UTRN: variants seen among roughly 807,000 people sequenced by gnomAD.
The protein encoded by UTRN is dystrophin-related protein 1.
Under a neutral mutation model 463.9 loss-of-function variants are expected in UTRN, and 283 were observed. The observed-to-expected ratio is 0.61, with a 90% CI of 0.55 to 0.67. The LOEUF (loss-of-function observed/expected upper bound fraction) is 0.67. Ranked by LOEUF, UTRN falls within the 30% of genes least tolerant of loss-of-function variation. The pLI, the probability that UTRN is intolerant of heterozygous loss-of-function variation, is 0.00. For synonymous variants in UTRN, 1,442 were observed against 1,431.5 expected (o/e 1.01, Z -0.17); for missense variants, 3,922 against 4,084.3 (o/e 0.96, Z 1.08).
chr6:144,704,195 T>C (rs1784854335), intron 53 of UTRN, among the ~76,000 whole-genome samples: 1 of 152,238 alleles, frequency 6.6e-6, no homozygotes, highest in Non-Finnish European at 1.5e-5. Flanking sequence ...TTTTTGTTTT[T>C]ACTTGAGTCT....
chr6:144,805,182 A>C (rs1431077709), intron 65 of UTRN, among the ~76,000 whole-genome samples: 1 of 152,170 alleles, frequency 6.6e-6, no homozygotes, highest in East Asian at 1.9e-4. Context: ...CAAGGAGAGA[A>C]TCCTTGTCAG....
At chr6:144,714,149 G>T (rs995681480) in intron 53 of UTRN, among the ~76,000 whole-genome samples, 5 of 151,984 alleles carry the variant, frequency 3.3e-5, no homozygotes, top group Admixed American at 6.6e-5. Context: ...AATTTTGTCT[G>T]CATACCAACG....
chr6:144,450,184 A>G (rs1788121603), intron 17 of UTRN, among the ~76,000 whole-genome samples: 2 of 152,248 alleles, frequency 1.3e-5, no homozygotes, highest in East Asian at 3.9e-4. Context: ...CTCCTCAGTG[A>G]ACACTAAAGG....
intron 51 of UTRN, among the ~76,000 whole-genome samples, chr6:144,580,203 C>CTGGTGGCATGG (rs970707437): frequency 6.2e-5 from 9 of 145,300 alleles, no homozygotes; most frequent in African/African-American, 2.4e-4. Context: ...CAGAAAAGTT[C>CTGGTGGCATGG]TGGTGGCATG....
intron 63 of UTRN, among the ~76,000 whole-genome samples, chr6:144,797,337 C>T (rs547613260): frequency 3.9e-5 from 6 of 152,052 alleles, no homozygotes; most frequent in Admixed American, 1.3e-4. Context: ...TACAGGTGCA[C>T]GCCACAAGGC....
chr6:144,826,083 C>T (rs1286208151), intron 66 of UTRN, among the ~76,000 whole-genome samples: 1 of 150,806 alleles, frequency 6.6e-6, no homozygotes, highest in Non-Finnish European at 1.5e-5. Flanking sequence ...ACCAACATGG[C>T]ACATGTATAC....
intron 64 of UTRN, among the ~76,000 whole-genome samples, chr6:144,799,957 A>G (rs1777567646): frequency 6.6e-6 from 1 of 152,230 alleles, no homozygotes; most frequent in African/African-American, 2.4e-5. Flanking sequence ...GAAAAGAGCA[A>G]TTGATTTAAA....
intron 34 of UTRN, among the ~76,000 whole-genome samples, chr6:144,508,129 C>T (rs2128588861): frequency 6.6e-6 from 1 of 152,288 alleles, no homozygotes; most frequent in East Asian, 1.9e-4. Flanking sequence ...AGACTGCTGT[C>T]CTGGCAGCGA....
At chr6:144,490,267 A>G in intron 31 of UTRN, 68 bp downstream of exon 31, 1 of 1,552,982 alleles carries the variant, frequency 6.4e-7, no homozygotes, top group Non-Finnish European at 8.7e-7. Context: ...AAAGAGAAAG[A>G]ATTGATTACT....
intron 3 of UTRN, among the ~76,000 whole-genome samples, chr6:144,408,284 T>C (rs549556392): frequency 6.6e-6 from 1 of 152,380 alleles, no homozygotes; most frequent in East Asian, 1.9e-4. Flanking sequence ...TTGCCCCTTC[T>C]AAATTTCAGA....
At chr6:144,626,159 A>T (rs1301836602) in intron 51 of UTRN, among the ~76,000 whole-genome samples, 1 of 152,230 alleles carries the variant, frequency 6.6e-6, no homozygotes, top group Non-Finnish European at 1.5e-5. Flanking sequence ...TAAAGAATTC[A>T]TGCAAATCTT....
At chr6:144,434,552 A>G (rs1024287345) in intron 9 of UTRN, among the ~76,000 whole-genome samples, 21 of 152,216 alleles carry the variant, frequency 1.4e-4, no homozygotes, top group African/African-American at 4.3e-4. Context: ...GAATATGGAC[A>G]TGGTTTAATA....
chr6:144,362,431 G>A (rs1455791953), intron 2 of UTRN, among the ~76,000 whole-genome samples: 2 of 152,172 alleles, frequency 1.3e-5, no homozygotes, highest in Admixed American at 6.5e-5. Context: ...AATTTTGAAT[G>A]TATTTTCTAA....
intron 51 of UTRN, among the ~76,000 whole-genome samples, chr6:144,605,325 A>G (rs574553847): frequency 1.3e-5 from 2 of 152,254 alleles, no homozygotes; most frequent in Admixed American, 1.3e-4. Context: ...ACACAGAATC[A>G]CAGCCCTGAT....
At chr6:144,832,497 G>A (rs550158678) in intron 69 of UTRN, among the ~76,000 whole-genome samples, 1 of 152,242 alleles carries the variant, frequency 6.6e-6, no homozygotes, top group South Asian at 2.1e-4. Context: ...TGGATAGTCA[G>A]TCTCCAAATC....
At chr6:144,407,586 A>G (rs551974531) in intron 3 of UTRN, among the ~76,000 whole-genome samples, 2 of 152,348 alleles carry the variant, frequency 1.3e-5, no homozygotes, top group Admixed American at 1.3e-4. Flanking sequence ...TTCTTCACAT[A>G]GGGTCTAACT....
At position 144,374,598 on chromosome 6, in the gene UTRN, C is replaced by T. The variant is rs184820954; in HGVS notation, c.80-28525C>T. On this transcript the variant is annotated intron_variant, in intron 2 of 74. Coordinates refer to ENST00000367545, the MANE Select transcript of UTRN (RefSeq NM_007124.3). ...TCCCGGGCTCAAGTGATTCTCTTGC[C>T]TCAGCTCCCAGAGTAGCTGGGACTG... Among the ~76,000 whole-genome samples, 5 of 151,770 alleles carry T rather than the reference C, an allele frequency of 3.3e-5. No homozygotes were observed. In the East Asian group the frequency reaches 7.9e-4, roughly 24 times the overall value.
In UTRN at chr6:144,577,021, T is replaced by C. The variant is rs186031878; in HGVS notation, c.7290-78T>C. On this transcript the variant is annotated intron_variant, in intron 50 of 74. Transcript: ENST00000367545. ...TCCTTTGGGGGCTGCCTGTTAGTTT[T>C]TTATTTAGGGGATGCGTGATGTGGA... 4 of 1,450,946 alleles carry C rather than the reference T, an allele frequency of 2.8e-6. No homozygotes were observed. In the East Asian group the frequency reaches 7.0e-5, roughly 26 times the overall value. 89.9% of individuals were successfully genotyped at this position (1,450,946 alleles called of 1,614,324 possible). A position where few individuals can be genotyped will look rare whatever the true frequency, so the allele number is the denominator to read the frequency against.
intron 54 of UTRN, among the ~76,000 whole-genome samples, chr6:144,742,895 A>G (rs1467756143): frequency 2.0e-5 from 3 of 152,204 alleles, no homozygotes; most frequent in African/African-American, 7.2e-5. Context: ...GAATAAAACA[A>G]TAAGATTATA....
Sources: gnomAD v4.1 joint callset for allele counts (sites outside exome capture counted in the v4.1 genomes callset) on GRCh38, gnomAD v4.1.1 for gene constraint, MANE v1.5 for transcripts, NCBI Gene and HGNC (gene_info 2026-07-23, HGNC 2026-07-21) for gene names.